GABRG3: variants seen among roughly 807,000 people sequenced by gnomAD.
GABRG3 encodes gamma-aminobutyric acid receptor subunit gamma-3.
A neutral mutation model predicts 48.8 loss-of-function variants in GABRG3; 25 were observed. That is an observed-to-expected ratio of 0.51 (90% CI 0.37 to 0.72). GABRG3 has a LOEUF of 0.72. Ranked by LOEUF, GABRG3 falls within the 30% of genes least tolerant of loss-of-function variation. The pLI is 0.00. For synonymous variants in GABRG3, 227 were observed against 217.6 expected, an observed-to-expected ratio of 1.04 and a Z score of -0.38; for missense variants, 394 against 577.9, an observed-to-expected ratio of 0.68 and a Z score of 3.26.
chr15:27,508,189 T>C (rs1432073536), intron 6 of GABRG3, among the ~76,000 whole-genome samples: 2 of 152,174 alleles, frequency 1.3e-5, no homozygotes, highest in African/African-American at 4.8e-5. Context: ...AAATATACGA[T>C]CTCGCTCTCA....
intron 5 of GABRG3, among the ~76,000 whole-genome samples, chr15:27,417,934 T>C (rs1025476554): frequency 6.6e-6 from 1 of 152,310 alleles, no homozygotes; most frequent in African/African-American, 2.4e-5. Flanking sequence ...GGCTCTTGCC[T>C]ATACTCGAGT....
rs1413936384 is a variant in GABRG3, at chr15:27,319,126, C to T, written c.271-7683C>T. ...GTGTTAATTAGCTTGATTGTGGTAA[C>T]GATTTCACAATGTACACGTATGTCA... On this transcript the variant is annotated intron_variant, in intron 3 of 9. Coordinates refer to ENST00000615808, the MANE Select transcript of GABRG3 (RefSeq NM_033223.5). This position sits in a 1 kb window ranked among gnomAD's most constrained non-coding sequence, Gnocchi z 4.4. 2.6e-5 allele frequency among the ~76,000 whole-genome samples: 4 copies of T among 152,094 alleles called. No homozygotes were observed. Among genetic ancestry groups the T allele is most frequent in the East Asian group, 1.9e-4 (1 of 5,186 alleles).
intron 3 of GABRG3, among the ~76,000 whole-genome samples, chr15:27,282,948 T>G (rs1238572483): frequency 1.3e-5 from 2 of 152,144 alleles, no homozygotes; most frequent in African/African-American, 2.4e-5. Context: ...TGGAGACGGT[T>G]CAGGCTACCC....
At chr15:27,257,032 A>G (rs1316738783) in intron 3 of GABRG3, among the ~76,000 whole-genome samples, 1 of 152,184 alleles carries the variant, frequency 6.6e-6, no homozygotes, top group African/African-American at 2.4e-5. Context: ...TTACATTCCC[A>G]TCAACAATGC....
At chr15:27,077,780 C>T (rs566761687) in intron 3 of GABRG3, among the ~76,000 whole-genome samples, 1 of 152,180 alleles carries the variant, frequency 6.6e-6, no homozygotes, top group Non-Finnish European at 1.5e-5. Flanking sequence ...AAAGGAAGGA[C>T]TTTTTTTCTC....
intron 2 of GABRG3, among the ~76,000 whole-genome samples, chr15:26,994,395 C>A (rs1381674412): frequency 6.6e-6 from 1 of 151,682 alleles, no homozygotes; most frequent in Non-Finnish European, 1.5e-5. Context: ...ATGAGGCTTG[C>A]AAATACTCTA....
At chr15:27,018,607 AGT>A (rs1895822415) in intron 2 of GABRG3, among the ~76,000 whole-genome samples, 2 of 152,130 alleles carry the variant, frequency 1.3e-5, no homozygotes, top group South Asian at 4.1e-4. Context: ...TGACATCTAT[AGT>A]TCTGGGATTA....
intron 3 of GABRG3, among the ~76,000 whole-genome samples, chr15:27,255,283 C>G (rs1183263330): frequency 6.6e-6 from 1 of 152,206 alleles, no homozygotes; most frequent in African/African-American, 2.4e-5. Flanking sequence ...CGAGAATGTC[C>G]TGTGAAATCA....
In GABRG3 at chr15:27,256,249, T is replaced by C. The variant is rs370568761; in HGVS notation, c.271-70560T>C. On this transcript the variant is annotated intron_variant, in intron 3 of 9. Coordinates refer to ENST00000615808, the MANE Select transcript of GABRG3 (RefSeq NM_033223.5). ...GGAGGTCAGGAGATCAAGACCATCC[T>C]GGCTAACATGGTGAAACCCGTCTCT... 2.9e-3 allele frequency among the ~76,000 whole-genome samples: 441 copies of C among 151,922 alleles called. 1 individual carries two copies. Among genetic ancestry groups the C allele is most frequent in the Non-Finnish European group, 3.8e-3 (259 of 67,922 alleles).
At chr15:27,490,560 A>C (rs572136293) in intron 6 of GABRG3, among the ~76,000 whole-genome samples, 1 of 152,180 alleles carries the variant, frequency 6.6e-6, no homozygotes, top group African/African-American at 2.4e-5. Context: ...ATCTCTCTCT[A>C]CCATTATTAT....
intron 5 of GABRG3, among the ~76,000 whole-genome samples, chr15:27,470,880 A>T (rs550035110): frequency 6.6e-6 from 1 of 150,734 alleles, no homozygotes; most frequent in East Asian, 2.0e-4. Context: ...ATTTATTCAT[A>T]TTTCTCAAAT....
At chr15:27,288,218 C>T (rs1891680589) in intron 3 of GABRG3, among the ~76,000 whole-genome samples, 2 of 151,882 alleles carry the variant, frequency 1.3e-5, no homozygotes, top group African/African-American at 4.8e-5. Flanking sequence ...GCACCAGGAA[C>T]CCATTTTGTG....
intron 6 of GABRG3, among the ~76,000 whole-genome samples, chr15:27,492,618 A>G (rs1256998661): frequency 6.6e-6 from 1 of 152,222 alleles, no homozygotes; most frequent in African/African-American, 2.4e-5. Flanking sequence ...CTTCAAAATA[A>G]CTGCTGATTC....
intron 5 of GABRG3, among the ~76,000 whole-genome samples, chr15:27,460,603 C>G (rs557182200): frequency 6.6e-6 from 1 of 152,280 alleles, no homozygotes; most frequent in African/African-American, 2.4e-5. Context: ...TTGGCCTGAA[C>G]AGGCAGGAGG....
intron 5 of GABRG3, among the ~76,000 whole-genome samples, chr15:27,343,436 G>A (rs1464078523): frequency 6.6e-6 from 1 of 152,162 alleles, no homozygotes; most frequent in Non-Finnish European, 1.5e-5. Flanking sequence ...AATGTATTTT[G>A]GTTATAAGTT....
intron 5 of GABRG3, among the ~76,000 whole-genome samples, chr15:27,386,756 G>A (rs1455848385): frequency 2.0e-5 from 3 of 152,096 alleles, no homozygotes; most frequent in African/African-American, 7.2e-5. Flanking sequence ...GGATTTTCTT[G>A]AACAAATCCT....
At chr15:27,364,669 G>A (rs779456850) in intron 5 of GABRG3, 1 of 152,222 alleles carries the variant, frequency 6.6e-6, no homozygotes, top group African/African-American at 2.4e-5. Flanking sequence ...GAGGAGAGCA[G>A]ACTGATTTTT....
At chr15:27,203,202 C>T (rs547271685) in intron 3 of GABRG3, among the ~76,000 whole-genome samples, 3 of 152,260 alleles carry the variant, frequency 2.0e-5, no homozygotes, top group African/African-American at 4.8e-5. Context: ...CTTCCACCCT[C>T]CACCTTCAAG....
chr15:27,316,616 G>A (rs903615625), intron 3 of GABRG3, among the ~76,000 whole-genome samples: 51 of 152,310 alleles, frequency 3.3e-4, no homozygotes, highest in Admixed American at 2.0e-3. Flanking sequence ...AGTCCAAGAG[G>A]ATACTCTACG....
Sources: allele counts gnomAD v4.1 joint callset (sites outside exome capture counted in the v4.1 genomes callset), GRCh38; gene constraint gnomAD v4.1.1; non-coding constraint Gnocchi (gnomAD v3.1); transcripts MANE v1.5; gene names NCBI Gene and HGNC (gene_info 2026-07-23, HGNC 2026-07-21).